ZFYVE9: variants seen among roughly 807,000 people sequenced by gnomAD.
ZFYVE9 encodes zinc finger FYVE domain-containing protein 9.
In ZFYVE9, 43 loss-of-function variants were observed where a neutral mutation model predicts 126.7. The ratio of observed to expected loss-of-function variants is 0.34; its 90% CI spans 0.27 to 0.44. ZFYVE9 has a LOEUF of 0.44. Among genes scored for constraint, ZFYVE9 ranks in the 20% least tolerant of loss-of-function variants. ZFYVE9 has a pLI of 1.00. For synonymous variants in ZFYVE9, 521 were observed against 597.4 expected, an observed-to-expected ratio of 0.87 and a Z score of 1.87; for missense variants, 1,476 against 1,697.0, an observed-to-expected ratio of 0.87 and a Z score of 2.29.
intron 4 of ZFYVE9, among the ~76,000 whole-genome samples, chr1:52,249,299 G>A (rs1187434492): frequency 6.6e-6 from 1 of 152,130 alleles, no homozygotes; most frequent in African/African-American, 2.4e-5. Context: ...TAATACACTT[G>A]TCAACACTTG....
chr1:52,336,727 TG>T (rs1158110029), intron 15 of ZFYVE9, among the ~76,000 whole-genome samples: 2 of 152,050 alleles, frequency 1.3e-5, no homozygotes, highest in Non-Finnish European at 2.9e-5. Context: ...GATGAAGTGT[TG>T]ACTATAGTTG....
At chr1:52,195,676 CAGAG>C (rs1266915447) in intron 1 of ZFYVE9, among the ~76,000 whole-genome samples, 1 of 152,062 alleles carries the variant, frequency 6.6e-6, no homozygotes, top group East Asian at 1.9e-4. Flanking sequence ...AAAATAGACA[CAGAG>C]TGTTTTTTAT....
intron 2 of ZFYVE9, among the ~76,000 whole-genome samples, chr1:52,229,253 G>A (rs1645196431): frequency 6.6e-6 from 1 of 152,126 alleles, no homozygotes; most frequent in Non-Finnish European, 1.5e-5. Context: ...GATTAAATCG[G>A]CTAAATGTTT....
chr1:52,173,279 G>A (rs1198788668), intron 1 of ZFYVE9, among the ~76,000 whole-genome samples: 3 of 152,090 alleles, frequency 2.0e-5, no homozygotes, highest in African/African-American at 4.8e-5. Flanking sequence ...TTTGTCTTTG[G>A]TTCTGTTTAT....
intron 4 of ZFYVE9, among the ~76,000 whole-genome samples, chr1:52,258,023 A>G (rs1645539486): frequency 6.6e-6 from 1 of 152,198 alleles, no homozygotes. Context: ...CACTGCACCT[A>G]GTCCCAGTCA....
chr1:52,147,466 A>G (rs1293750399), intron 1 of ZFYVE9, among the ~76,000 whole-genome samples: 2 of 152,180 alleles, frequency 1.3e-5, no homozygotes, highest in African/African-American at 2.4e-5. Context: ...GGATTTGCCT[A>G]TCGAGACATT....
At chr1:52,228,039 T>C (rs1325957310) in intron 2 of ZFYVE9, among the ~76,000 whole-genome samples, 1 of 152,162 alleles carries the variant, frequency 6.6e-6, no homozygotes. Context: ...CTTTTGAATT[T>C]GACTGTTTAA....
chr1:52,237,638 T>C lies in ZFYVE9; in HGVS notation c.221T>C (p.Leu74Pro). The change falls in exon 4 of 19, where the codon CTG (leucine) becomes CCG (proline). Residue 74 changes from leucine to proline, a missense_variant. This residue lies in a region of ZFYVE9 where 807 missense variants were observed against 794.6 expected (regional missense o/e 1.02). Transcript: ENST00000287727. Reference protein sequence around the residue: ...ESQPQLKVFSLAHSAPLTTEE... With the variant: ...ESQPQLKVFSPAHSAPLTTEE... ...CAACCACAACTGAAAGTCTTCTCCCTGGCTCATTCAGCTCCCCTGACCACA... is the reference window on the plus strand; with the variant it reads ...CAACCACAACTGAAAGTCTTCTCCCCGGCTCATTCAGCTCCCCTGACCACA... 6.2e-7 allele frequency: 1 copy of C among 1,614,146 alleles called. No individual in the cohort carries two copies. The highest frequency in any genetic ancestry group is 8.5e-7 in the Non-Finnish European group (1 of 1,179,978).
At chr1:52,201,606 T>C (rs1298912194) in intron 1 of ZFYVE9, among the ~76,000 whole-genome samples, 2 of 151,904 alleles carry the variant, frequency 1.3e-5, no homozygotes, top group Non-Finnish European at 2.9e-5. Context: ...CTTGAACTCC[T>C]GGCCTCAAGT....
intron 1 of ZFYVE9, among the ~76,000 whole-genome samples, chr1:52,170,497 C>T (rs1347083202): frequency 6.6e-6 from 1 of 151,752 alleles, no homozygotes; most frequent in Non-Finnish European, 1.5e-5. Flanking sequence ...ATTCTCTGAT[C>T]TTTATTACTT....
chr1:52,183,417 G>T (rs1485954830), intron 1 of ZFYVE9, among the ~76,000 whole-genome samples: 2 of 152,164 alleles, frequency 1.3e-5, no homozygotes, highest in South Asian at 2.1e-4. Flanking sequence ...TTCTAGACCA[G>T]TTTCTTTATT....
intron 10 of ZFYVE9, among the ~76,000 whole-genome samples, chr1:52,283,927 G>A (rs116435740): frequency 1.3e-3 from 192 of 152,162 alleles, no homozygotes; most frequent in African/African-American, 4.2e-3. Flanking sequence ...GAAATTATCA[G>A]GATTTAAATT....
At chr1:52,203,068 CTCTT>C (rs1378381981) in intron 1 of ZFYVE9, among the ~76,000 whole-genome samples, 1 of 151,940 alleles carries the variant, frequency 6.6e-6, no homozygotes, top group Non-Finnish European at 1.5e-5. Context: ...TCTTTTTTTT[CTCTT>C]TCTTCTTGCT....
intron 4 of ZFYVE9, among the ~76,000 whole-genome samples, chr1:52,249,941 T>C (rs1372882588): frequency 6.6e-6 from 1 of 152,224 alleles, no homozygotes; most frequent in Non-Finnish European, 1.5e-5. Context: ...TGAGAGTTTA[T>C]TTCTGGGCTT....
At chr1:52,272,701 G>T (rs1255598560) in intron 7 of ZFYVE9, among the ~76,000 whole-genome samples, 4 of 114,926 alleles carry the variant, frequency 3.5e-5, no homozygotes, top group African/African-American at 8.2e-5. Context: ...TTTGAGTCTC[G>T]CTCTGTTGCC....
rs770396537 is a variant in ZFYVE9 at position 52,295,903 on chromosome 1, T to C, written c.3259T>C (p.Cys1087Arg). Residue 1087 changes from cysteine (C) to arginine (R), a missense_variant, in exon 12 of 19, where the codon TGC becomes CGC. Cys to Arg is a radical substitution (Grantham distance 180). This residue lies in a region of ZFYVE9 where 669 missense variants were observed against 902.4 expected (regional missense o/e 0.74). Coordinates refer to ENST00000287727, the MANE Select transcript of ZFYVE9 (RefSeq NM_004799.4). ...RLGAEYRLYP[C>R]PLFSVRFRKP... ...ATTTCTCATTTCCATAGTTTATCCA[T>C]GCCCACTATTCAGTGTCAGATTTCG... 1 of 1,613,444 alleles carries C rather than the reference T, an allele frequency of 6.2e-7. No individual in the cohort carries two copies.
intron 1 of ZFYVE9, among the ~76,000 whole-genome samples, chr1:52,165,563 A>G (rs1452407927): frequency 1.3e-5 from 2 of 152,186 alleles, no homozygotes; most frequent in African/African-American, 4.8e-5. Context: ...ACCACTGAGA[A>G]TAGGTAAATG....
At chr1:52,171,762 A>G (rs993841778) in intron 1 of ZFYVE9, among the ~76,000 whole-genome samples, 5 of 152,100 alleles carry the variant, frequency 3.3e-5, no homozygotes, top group African/African-American at 1.2e-4. Context: ...GATGATGAGC[A>G]TTTTTTCATG....
At chr1:52,207,311 T>G (rs1349667502) in intron 1 of ZFYVE9, among the ~76,000 whole-genome samples, 1 of 152,244 alleles carries the variant, frequency 6.6e-6, no homozygotes, top group Admixed American at 6.5e-5. Flanking sequence ...CCTATGTATA[T>G]TTGATACGTC....
Sources: allele counts gnomAD v4.1 joint callset (sites outside exome capture counted in the v4.1 genomes callset), GRCh38; gene constraint gnomAD v4.1.1; regional missense constraint gnomAD v4.1.1; transcripts MANE v1.5; gene names NCBI Gene and HGNC (gene_info 2026-07-23, HGNC 2026-07-21).